The following EIF2S3 variants were observed in gnomAD, a reference collection of about 807,000 sequenced individuals.
EIF2S3 encodes eukaryotic translation initiation factor 2 subunit gamma, also known as eukaryotic translation initiation factor 2 subunit 3.
EIF2S3 carries 2 observed loss-of-function variants against 31.7 expected under a neutral mutation model. The observed-to-expected ratio is 0.06, with a 90% CI of 0.03 to 0.20. The LOEUF (loss-of-function observed/expected upper bound fraction) is 0.20. Among genes scored for constraint, EIF2S3 ranks in the 10% least tolerant of loss-of-function variants. The pLI is 1.00. For synonymous variants in EIF2S3, 120 were observed against 126.7 expected (o/e 0.95, Z 0.36); for missense variants, 96 against 359.3 (o/e 0.27, Z 5.92).
chrX:24,078,050 G>T lies in EIF2S3; in HGVS notation c.*1265G>T, dbSNP rs1209343348. The T allele has an allele frequency of 9.2e-6, 1 of 109,128 alleles. No homozygotes were observed. The highest frequency in any genetic ancestry group is 3.3e-5 in the African/African-American group (1 of 29,994). The allele number at this position is 109,128 out of a possible 1,213,427, so 9.0% of individuals were successfully genotyped here. ...GCTTTTCCTTTTTTTTTTTGAGACG[G>T]AGGCTCACTCCGTCACCTAGGCTAG... On this transcript the variant is annotated 3_prime_UTR_variant, in exon 12 of 12. Coordinates refer to ENST00000253039, the MANE Select transcript of EIF2S3 (RefSeq NM_001415.4).
At position 24,067,993 on chromosome X, in the gene EIF2S3, T is replaced by A; in HGVS notation, c.897T>A (p.Gly299=). 8.3e-7 allele frequency: 1 copy of A among 1,204,989 alleles called. No homozygotes were observed. The highest frequency in any genetic ancestry group is 1.1e-6 in the Non-Finnish European group (1 of 890,830). Residue 299 remains glycine (G), a synonymous_variant, in exon 9 of 12, where the codon GGT becomes GGA. Coordinates refer to ENST00000253039, the MANE Select transcript of EIF2S3 (RefSeq NM_001415.4). ...KVGQEIEVRP[G]IVSKDSEGKL... The stretch of plus-strand genomic sequence containing the variant: ...GCCAGGAGATAGAAGTAAGACCTGG[T>A]ATTGTTTCCAAAGATAGTGAAGGAA...
chrX:24,062,160 T>C (rs907461213), intron 5 of EIF2S3, among the ~76,000 whole-genome samples: 6 of 111,178 alleles, frequency 5.4e-5, no homozygotes, highest in African/African-American at 2.0e-4. Flanking sequence ...TAGAATTTAG[T>C]GGCATTAAGC....
chrX:24,071,906 C>T (rs1448024600), intron 10 of EIF2S3, among the ~76,000 whole-genome samples, 179 bp downstream of exon 10: 3 of 108,351 alleles, frequency 2.8e-5, no homozygotes, highest in Non-Finnish European at 3.8e-5. Context: ...TGGAGTCTCT[C>T]GCTCTGTTGC....
Position 24,071,789 on chromosome X carries a change from T to A in EIF2S3, c.1182+62T>A, listed in dbSNP as rs1377098617. 1.1e-5 allele frequency: 12 copies of A among 1,086,793 alleles called. No individual in the cohort carries two copies. In the African/African-American group the frequency reaches 1.9e-4, roughly 17 times the overall value. The allele number at this position is 1,086,793 out of a possible 1,213,427, so 89.6% of individuals were successfully genotyped here. A position where few individuals can be genotyped will look rare whatever the true frequency, so the allele number is the denominator to read the frequency against. On this transcript the variant is annotated intron_variant, in intron 10 of 11. Transcript: ENST00000253039. ...GTGACAAATGGGAGTGTTAAACCAG[T>A]GTTGAGTTTTATTGTTTTACAGTTA...
Position 24,076,925 on chromosome X carries a change from T to TA in EIF2S3, c.*140_*141insA. The TA allele has an allele frequency of 1.7e-5, 3 of 171,514 alleles. No individual in the cohort carries two copies. The highest frequency in any genetic ancestry group is 1.9e-5 in the Non-Finnish European group (2 of 102,653). The allele number at this position is 171,514 out of a possible 1,213,427, so 14.1% of individuals were successfully genotyped here. On this transcript the variant is annotated 3_prime_UTR_variant, in exon 12 of 12. Transcript: ENST00000253039. ...TTAGTAGGTAACGGTAAGGTTATTCTCTTTTTTTTTTTTTTTTTTTTTGGT... is the reference window on the plus strand; with the variant it reads ...TTAGTAGGTAACGGTAAGGTTATTCTACTTTTTTTTTTTTTTTTTTTTTGGT...
At chrX:24,070,051 T>G (rs1283154155) in intron 9 of EIF2S3, among the ~76,000 whole-genome samples, 1 of 110,269 alleles carries the variant, frequency 9.1e-6, no homozygotes, top group Non-Finnish European at 1.9e-5. Context: ...GAGCCATCAC[T>G]CAGCTTCAGC....
chrX:24,064,446 A>G (rs1930540227), intron 7 of EIF2S3, 111 bp downstream of exon 7: 1 of 988,015 alleles, frequency 1.0e-6, no homozygotes, highest in African/African-American at 1.9e-5. Context: ...GATAATTCAT[A>G]CAATTTTTTT....
At chrX:24,071,865 A>C in intron 10 of EIF2S3, 138 bp downstream of exon 10, 1 of 702,403 alleles carries the variant, frequency 1.4e-6, no homozygotes, top group Non-Finnish European at 2.0e-6. Flanking sequence ...CCTCCCCAAA[A>C]TTGAGGGTTT....
chrX:24,062,246 T>C (rs1312606779), intron 5 of EIF2S3, among the ~76,000 whole-genome samples, 170 bp from the exon 6 acceptor site: 1 of 111,170 alleles, frequency 9.0e-6, no homozygotes, highest in African/African-American at 3.3e-5. Context: ...ATCAGAACTT[T>C]TGTATCACCG....
At chrX:24,062,647 A>G (rs992847517) in intron 6 of EIF2S3, 73 bp downstream of exon 6, 22 of 1,073,310 alleles carry the variant, frequency 2.0e-5, no homozygotes, top group East Asian at 9.2e-5. Flanking sequence ...CAGATGTTAA[A>G]TTAACTTTTA....
Position 24,064,229 on chromosome X carries a change from T to C in EIF2S3, c.666T>C (p.Ile222=). 1 of 1,192,941 alleles carries C rather than the reference T, an allele frequency of 8.4e-7. No homozygotes were observed. The highest frequency in any genetic ancestry group is 3.0e-5 in the East Asian group (1 of 33,190). The change falls in exon 7 of 12, where the codon ATT becomes ATC. Residue 222 remains isoleucine, a synonymous_variant. Coordinates refer to ENST00000253039, the MANE Select transcript of EIF2S3 (RefSeq NM_001415.4). The part of the protein sequence containing the change: ...QGTVAEGAPI[I]PISAQLKYNI... Reference sequence around the variant, plus strand: ...CAGTAGCAGAGGGAGCTCCCATTATTCCAATTTCAGCTCAGCTGAAATACA... The same window carrying C: ...CAGTAGCAGAGGGAGCTCCCATTATCCCAATTTCAGCTCAGCTGAAATACA...
intron 4 of EIF2S3, among the ~76,000 whole-genome samples, chrX:24,058,972 G>A (rs1378150903): frequency 6.3e-5 from 7 of 111,492 alleles, no homozygotes; most frequent in Non-Finnish European, 1.1e-4. Context: ...TGATCTGCCC[G>A]CCTCAGCCTC....
chrX:24,078,218 G>T lies in EIF2S3; in HGVS notation c.*1433G>T, dbSNP rs1354490660. Among the ~76,000 whole-genome samples the T allele has an allele frequency of 9.0e-6, 1 of 110,523 alleles. No homozygotes were observed. Among genetic ancestry groups the T allele is most frequent in the Non-Finnish European group, 1.9e-5 (1 of 52,855 alleles). On this transcript the variant is annotated 3_prime_UTR_variant, in exon 12 of 12. Transcript: ENST00000253039. ...TTTTTGTATTTTTAGTAGAGATGGG[G>T]TTTCACCATGTTGCCCAGGCTGGTC...
At chrX:24,071,971 G>A (rs945822374) in intron 10 of EIF2S3, among the ~76,000 whole-genome samples, 2 of 106,653 alleles carry the variant, frequency 1.9e-5, no homozygotes, top group Non-Finnish European at 3.9e-5. Flanking sequence ...CACCTCCTGG[G>A]TTCAAGCAAT....
intron 5 of EIF2S3, among the ~76,000 whole-genome samples, chrX:24,060,948 C>CAA (rs35873085): frequency 0.026 from 618 of 23,852 alleles, 54 homozygotes; most frequent in African/African-American, 0.045. Context: ...AACTACATCT[C>CAA]AAAAAAAAAA....
chrX:24,061,682 A>G (rs1366903892), intron 5 of EIF2S3, among the ~76,000 whole-genome samples: 6 of 111,498 alleles, frequency 5.4e-5, no homozygotes, highest in African/African-American at 2.0e-4. Context: ...TTTCTTTATA[A>G]TACACTGTTG....
chrX:24,072,850 G>C (rs901212053), intron 10 of EIF2S3, among the ~76,000 whole-genome samples: 3 of 111,336 alleles, frequency 2.7e-5, no homozygotes, highest in Non-Finnish European at 5.6e-5. Flanking sequence ...AACTGCTTCA[G>C]AATTTTAAGA....
chrX:24,071,739 T>C lies in EIF2S3; in HGVS notation c.1182+12T>C. On this transcript the variant is annotated intron_variant, in intron 10 of 11. Coordinates refer to ENST00000253039, the MANE Select transcript of EIF2S3 (RefSeq NM_001415.4). ...AGAAAGCAGCAAAGGTAAATGCTTT[T>C]TTAAAAATTCCTGTTTCTAAAAAAG... The C allele has an allele frequency of 1.7e-6, 2 of 1,207,311 alleles. No individual in the cohort carries two copies. Among genetic ancestry groups the C allele is most frequent in the Non-Finnish European group, 2.2e-6 (2 of 892,688 alleles).
rs1290879026 is a variant in EIF2S3 at position 24,076,924 on chromosome X, CTCTT to C, written c.*141_*144del. 7.0e-3 allele frequency: 814 copies of C among 115,842 alleles called. 1 individual carries two copies. Among genetic ancestry groups the C allele is most frequent in the Non-Finnish European group, 7.7e-3 (556 of 71,972 alleles). The allele number at this position is 115,842 out of a possible 1,213,427, so 9.5% of individuals were successfully genotyped here. A position where few individuals can be genotyped will look rare whatever the true frequency, so the allele number is the denominator to read the frequency against. The stretch of plus-strand genomic sequence containing the variant: ...CTTAGTAGGTAACGGTAAGGTTATT[CTCTT>C]TTTTTTTTTTTTTTTTTTTGGTTAT... On this transcript the variant is annotated 3_prime_UTR_variant, in exon 12 of 12. Transcript: ENST00000253039.
Sources: allele counts gnomAD v4.1 joint callset (sites outside exome capture counted in the v4.1 genomes callset), GRCh38; gene constraint gnomAD v4.1.1; transcripts MANE v1.5; gene names NCBI Gene and HGNC (gene_info 2026-07-23, HGNC 2026-07-21).